NFIB: variants seen among roughly 807,000 people sequenced by gnomAD.
NFIB encodes the protein nuclear factor 1 B-type.
Under a neutral mutation model 61.5 loss-of-function variants are expected in NFIB, and 11 were observed. The observed-to-expected ratio is 0.18, with a 90% CI of 0.11 to 0.30. The LOEUF (loss-of-function observed/expected upper bound fraction) is 0.30, where lower values mean the gene tolerates loss of function less well. Among genes scored for constraint, NFIB ranks in the 10% least tolerant of loss-of-function variants. The probability of loss-of-function intolerance (pLI) is 1.00; values close to 1 mark genes in which losing one functional copy is unlikely to be tolerated. For synonymous variants in NFIB, 260 were observed against 216.5 expected (o/e 1.20, Z -1.76); for missense variants, 471 against 608.9 (o/e 0.77, Z 2.38).
At chr9:14,449,665 T>A in the NFIB span, among the ~76,000 whole-genome samples, 1 of 152,062 alleles carries the variant, frequency 6.6e-6, no homozygotes, top group Non-Finnish European at 1.5e-5. Flanking sequence ...TACAGTGGCT[T>A]ACACCTGTAA....
intron 2 of NFIB, chr9:14,204,377 G>C (rs570103521): frequency 1.9e-6 from 2 of 1,038,450 alleles, no homozygotes; most frequent in Admixed American, 1.8e-5. Context: ...CATTAGACAG[G>C]ACATCCAGCC....
At chr9:14,325,303 G>T (rs1406817593) in intron 1 of NFIB, among the ~76,000 whole-genome samples, 1 of 152,038 alleles carries the variant, frequency 6.6e-6, no homozygotes, top group Non-Finnish European at 1.5e-5. Flanking sequence ...GCCTTAAGTT[G>T]CAGGCACAAT....
the NFIB span, among the ~76,000 whole-genome samples, chr9:14,516,227 C>T: frequency 6.6e-6 from 1 of 152,150 alleles, no homozygotes; most frequent in Non-Finnish European, 1.5e-5. Context: ...AATAGCTAGC[C>T]ACCAGGAGGT....
intron 2 of NFIB, among the ~76,000 whole-genome samples, chr9:14,293,803 C>G (rs1057404148): frequency 1.3e-5 from 2 of 152,158 alleles, no homozygotes; most frequent in Admixed American, 6.5e-5. Flanking sequence ...TTGCATATAT[C>G]TGGTATGTCA....
intron 4 of NFIB, among the ~76,000 whole-genome samples, chr9:14,150,689 G>A (rs763281989): frequency 5.3e-5 from 8 of 151,922 alleles, no homozygotes; most frequent in Non-Finnish European, 5.9e-5. Context: ...TAAATAAACA[G>A]AGAACCGTTT....
chr9:14,335,634 G>T (rs2060878020), intron 1 of NFIB, among the ~76,000 whole-genome samples: 1 of 152,066 alleles, frequency 6.6e-6, no homozygotes, highest in Non-Finnish European at 1.5e-5. Flanking sequence ...CCACACTGTG[G>T]TTTTGCTTTT....
At chr9:14,398,475 G>A (rs2061709877) in intron 1 of NFIB, 1 of 1,328,166 alleles carries the variant, frequency 7.5e-7, no homozygotes, top group Non-Finnish European at 1.0e-6. Context: ...TAAGAAGTTG[G>A]GACCTATTTG....
At chr9:14,251,273 C>G (rs374208488) in intron 2 of NFIB, among the ~76,000 whole-genome samples, 8 of 152,254 alleles carry the variant, frequency 5.3e-5, no homozygotes, top group African/African-American at 1.9e-4. Context: ...CATACCAACA[C>G]ATAACGAAGG....
At chr9:14,518,649 G>A in the NFIB span, among the ~76,000 whole-genome samples, 3 of 151,522 alleles carry the variant, frequency 2.0e-5, no homozygotes, top group African/African-American at 7.3e-5. Context: ...TCAAGACTAC[G>A]GAAAGAAACT....
chr9:14,216,536 CTCTCTCCCTCTG>C (rs2050924652), intron 2 of NFIB, among the ~76,000 whole-genome samples: 5 of 31,618 alleles, frequency 1.6e-4, no homozygotes, highest in East Asian at 6.5e-4. Context: ...CTCTCTCTCT[CTCTCTCCCTCTG>C]TGTGTGTGTG....
At position 14,314,068 on chromosome 9, in the gene NFIB, G is replaced by A; in HGVS notation, c.-557C>T. 5 of 1,061,066 alleles carry A rather than the reference G, an allele frequency of 4.7e-6. No individual in the cohort carries two copies. The highest frequency in any genetic ancestry group is 5.7e-6 in the Non-Finnish European group (5 of 877,050). 65.7% of individuals were successfully genotyped at this position (1,061,066 alleles called of 1,614,324 possible). A position where few individuals can be genotyped will look rare whatever the true frequency, so the allele number is the denominator to read the frequency against. ...GCCCCAAGCACTGCGGCAGGATCCC[G>A]GAGTGGTGATCGCAGGCGAAACTTT... On this transcript the variant is annotated 5_prime_UTR_variant, in exon 1 of 11. Coordinates refer to ENST00000380953, the MANE Select transcript of NFIB (RefSeq NM_001190737.2).
chr9:14,177,638 TA>T (rs1487897363), intron 3 of NFIB, among the ~76,000 whole-genome samples: 1 of 152,188 alleles, frequency 6.6e-6, no homozygotes, highest in East Asian at 1.9e-4. Context: ...ATTCTGGCTC[TA>T]AAAAAATAGA....
chr9:14,394,532 C>T (rs183449010), intron 1 of NFIB, among the ~76,000 whole-genome samples: 2 of 152,248 alleles, frequency 1.3e-5, no homozygotes, highest in East Asian at 1.9e-4. Flanking sequence ...AACCATCAGA[C>T]CTTGGGAGAC....
At chr9:14,222,319 C>T (rs994335843) in intron 2 of NFIB, among the ~76,000 whole-genome samples, 4 of 152,124 alleles carry the variant, frequency 2.6e-5, no homozygotes, top group Non-Finnish European at 5.9e-5. Context: ...ATCTACAAGC[C>T]CTGCACCTAC....
At chr9:14,169,628 C>T (rs747714997) in intron 3 of NFIB, among the ~76,000 whole-genome samples, 1 of 152,170 alleles carries the variant, frequency 6.6e-6, no homozygotes, top group African/African-American at 2.4e-5. Context: ...CAAGACCAGC[C>T]TGGCCAACAT....
chr9:14,407,201 T>TCC, the NFIB span, among the ~76,000 whole-genome samples: 23 of 152,202 alleles, frequency 1.5e-4, no homozygotes, highest in Non-Finnish European at 2.5e-4. Context: ...AATAATGCCC[T>TCC]TAGGATAATG....
Position 14,390,363 on chromosome 9 carries a change from G to C in NFIB, c.108+8161C>G, listed in dbSNP as rs568319112. On this transcript the variant is annotated intron_variant, in intron 1 of 8. Coordinates refer to the NFIB transcript ENST00000380934. ...CCAGATCTAAATGGCTAATTTTGGG[G>C]GAAAGGAATGTACAAGAGAAGCCTG... 2.0e-5 allele frequency among the ~76,000 whole-genome samples: 3 copies of C among 152,216 alleles called. No homozygotes were observed. In the East Asian group the frequency reaches 5.8e-4, roughly 29 times the overall value.
chr9:14,097,525 G>A (rs992696044), intron 10 of NFIB, among the ~76,000 whole-genome samples: 1 of 152,136 alleles, frequency 6.6e-6, no homozygotes, highest in African/African-American at 2.4e-5. Context: ...GATGTTCTAA[G>A]TGTAATGTTG....
the NFIB span, among the ~76,000 whole-genome samples, chr9:14,519,079 G>A: frequency 6.6e-6 from 1 of 152,152 alleles, no homozygotes; most frequent in Non-Finnish European, 1.5e-5. Flanking sequence ...TCATTTTTAA[G>A]TTGTGTGTAT....
Sources: gnomAD v4.1 joint callset for allele counts (sites outside exome capture counted in the v4.1 genomes callset) on GRCh38, gnomAD v4.1.1 for gene constraint, MANE v1.5 for transcripts, NCBI Gene and HGNC (gene_info 2026-07-23, HGNC 2026-07-21) for gene names.